Variants in DLC1 observed in about 807,000 individuals in gnomAD.
The protein encoded by DLC1 is rho GTPase-activating protein 7.
Under a neutral mutation model 140.3 loss-of-function variants are expected in DLC1, and 54 were observed. The ratio of observed to expected loss-of-function variants is 0.38; its 90% CI spans 0.31 to 0.48. The LOEUF is 0.48. Ranked by LOEUF, DLC1 falls within the 20% of genes least tolerant of loss-of-function variation. The probability of loss-of-function intolerance (pLI) is 0.96; values close to 1 mark genes in which losing one functional copy is unlikely to be tolerated. For missense variants in DLC1, 2,536 were observed against 1,907.0 expected (o/e 1.33, Z -6.14); for synonymous variants, 986 against 728.1 (o/e 1.35, Z -5.70).
intron 2 of DLC1, among the ~76,000 whole-genome samples, chr8:13,460,360 A>G (rs906488504): frequency 6.6e-6 from 1 of 152,198 alleles, no homozygotes; most frequent in Non-Finnish European, 1.5e-5. Flanking sequence ...TGACTGTCTT[A>G]CTAAAAGACT....
At chr8:13,263,839 A>T (rs911339726) in intron 5 of DLC1, among the ~76,000 whole-genome samples, 1 of 151,668 alleles carries the variant, frequency 6.6e-6, no homozygotes, top group Non-Finnish European at 1.5e-5. Context: ...TATAAGATGT[A>T]CATATCTTAG....
At chr8:13,352,163 T>C (rs1009203317) in intron 4 of DLC1, among the ~76,000 whole-genome samples, 1 of 152,198 alleles carries the variant, frequency 6.6e-6, no homozygotes, top group African/African-American at 2.4e-5. Context: ...GCATCAGTCA[T>C]TGTGATCCTT....
intron 1 of DLC1, chr8:13,567,937 A>C (rs1282604719): frequency 1.3e-6 from 2 of 1,547,534 alleles, no homozygotes; most frequent in Non-Finnish European, 1.7e-6. Flanking sequence ...GGTGATTGTT[A>C]ATGATAATGT....
At chr8:13,193,177 A>T (rs1286877645) in intron 5 of DLC1, among the ~76,000 whole-genome samples, 1 of 152,162 alleles carries the variant, frequency 6.6e-6, no homozygotes, top group Non-Finnish European at 1.5e-5. Context: ...TCATTTGGGA[A>T]ACAAATAGGA....
intron 1 of DLC1, among the ~76,000 whole-genome samples, chr8:13,533,222 A>C (rs899350773): frequency 6.2e-5 from 9 of 146,008 alleles, no homozygotes; most frequent in African/African-American, 2.3e-4. Context: ...GAACAATGTT[A>C]TATATTGAGT....
intron 2 of DLC1, among the ~76,000 whole-genome samples, chr8:13,469,949 C>T (rs1391139503): frequency 6.6e-6 from 1 of 152,108 alleles, no homozygotes; most frequent in Non-Finnish European, 1.5e-5. Context: ...GGGAAAATAG[C>T]CAGGCAGGGC....
chr8:13,427,834 T>A (rs916505762), intron 2 of DLC1, among the ~76,000 whole-genome samples: 1 of 152,240 alleles, frequency 6.6e-6, no homozygotes, highest in African/African-American at 2.4e-5. Flanking sequence ...GCCTCATTTC[T>A]TTATTAGACT....
rs1316238962 is a variant in DLC1 at position 13,090,294 on chromosome 8, G to A, written c.4032C>T (p.Val1344=). ...CAGCCTGCTCCGAAGTGGAGTAGCT[G>A]ACCCAGCCTTTAAACTTCTCTTTGA... ...KEVKEKFKGW[V]SYSTSEQAEL... The change falls in exon 15 of 18, where the codon GTC becomes GTT. Residue 1344 remains valine, a synonymous_variant. Coordinates refer to ENST00000276297, the MANE Select transcript of DLC1 (RefSeq NM_182643.3). 3.1e-6 allele frequency: 5 copies of A among 1,614,180 alleles called. No individual in the cohort carries two copies. The highest frequency in any genetic ancestry group is 1.7e-4 in the Middle Eastern group (1 of 6,060).
At chr8:13,410,652 T>C (rs1462463128) in intron 2 of DLC1, among the ~76,000 whole-genome samples, 1 of 147,660 alleles carries the variant, frequency 6.8e-6, no homozygotes, top group African/African-American at 2.5e-5. Flanking sequence ...AAGACCATTA[T>C]AAAAAAAAAA....
intron 5 of DLC1, among the ~76,000 whole-genome samples, chr8:13,178,128 ATCAAT>A (rs932132330): frequency 6.6e-6 from 1 of 152,186 alleles, no homozygotes; most frequent in Non-Finnish European, 1.5e-5. Flanking sequence ...TTTAAAAAAA[ATCAAT>A]TCAATGAATT....
chr8:13,088,424 A>G (rs1817747680), intron 16 of DLC1, 63 bp downstream of exon 16: 13 of 1,549,396 alleles, frequency 8.4e-6, no homozygotes, highest in Non-Finnish European at 1.2e-5. Flanking sequence ...GATCAGTGAC[A>G]TATAGGCTTG....
intron 5 of DLC1, among the ~76,000 whole-genome samples, chr8:13,140,927 A>T (rs912993120): frequency 6.6e-6 from 1 of 152,178 alleles, no homozygotes; most frequent in East Asian, 1.9e-4. Flanking sequence ...CTAGTATCAC[A>T]TATAGATGCC....
rs1303085052 is a variant in DLC1, at chr8:13,346,994, A to T, written c.1315-41692T>A. 2.6e-5 allele frequency among the ~76,000 whole-genome samples: 4 copies of T among 152,218 alleles called. No individual in the cohort carries two copies. The East Asian group carries it at 7.7e-4, about 29-fold the overall frequency. On this transcript the variant is annotated intron_variant, in intron 4 of 17. Transcript: ENST00000276297. ...ACATTCCTATAACTTTTATTACAGC[A>T]TCTTGTTATAATTGTTTTATTATTA...
intron 5 of DLC1, among the ~76,000 whole-genome samples, chr8:13,297,298 T>TAAAAAAAAAAAAAAAAAAAAAAA (rs1831999414): frequency 1.3e-4 from 1 of 7,530 alleles, no homozygotes. Flanking sequence ...AAAAAAAAAC[T>TAAAAAAAAAAAAAAAAAAAAAAA]GAAGCAAGTA....
intron 4 of DLC1, among the ~76,000 whole-genome samples, chr8:13,330,468 T>C (rs1528626): frequency 0.027 from 4,178 of 152,348 alleles, 172 homozygotes; most frequent in African/African-American, 0.095. Context: ...TGTTGATCTC[T>C]GCCTCTTTTT....
rs894343766 is a variant in DLC1 at position 13,264,965 on chromosome 8, C to A, written c.1348+40304G>T. 3.9e-5 allele frequency among the ~76,000 whole-genome samples: 6 copies of A among 152,184 alleles called. No homozygotes were observed. In the East Asian group the frequency reaches 1.2e-3, roughly 29 times the overall value. ...ACTTTACAAAAGCAATTAGTACATA[C>A]TTCAGTCTTCAAAGTGAACAGAGAT... On this transcript the variant is annotated intron_variant, in intron 5 of 17. Coordinates refer to ENST00000276297, the MANE Select transcript of DLC1 (RefSeq NM_182643.3).
At chr8:13,582,362 C>T (rs574374451) in intron 1 of DLC1, among the ~76,000 whole-genome samples, 1 of 152,034 alleles carries the variant, frequency 6.6e-6, no homozygotes, top group Non-Finnish European at 1.5e-5. Flanking sequence ...AAGTATTAAT[C>T]CTGGGTGTGT....
chr8:13,306,505 C>G (rs1832432048), intron 4 of DLC1, among the ~76,000 whole-genome samples: 1 of 151,736 alleles, frequency 6.6e-6, no homozygotes, highest in Admixed American at 6.6e-5. Context: ...ACAACATCCT[C>G]AGAGTTGAAG....
intron 5 of DLC1, among the ~76,000 whole-genome samples, chr8:13,184,031 A>G (rs1005660409): frequency 3.3e-4 from 50 of 152,150 alleles, no homozygotes; most frequent in African/African-American, 1.0e-3. Flanking sequence ...ACTTCTTCCC[A>G]GTTTAGTCTT....
Sources: gnomAD v4.1 joint callset for allele counts (sites outside exome capture counted in the v4.1 genomes callset) on GRCh38, gnomAD v4.1.1 for gene constraint, MANE v1.5 for transcripts, NCBI Gene and HGNC (gene_info 2026-07-23, HGNC 2026-07-21) for gene names.